SPOCK3: variants seen among roughly 807,000 people sequenced by gnomAD.
The protein encoded by SPOCK3 is testican-3.
In SPOCK3, 30 loss-of-function variants were observed where a neutral mutation model predicts 56.6. That is an observed-to-expected ratio of 0.53 (90% CI 0.40 to 0.72). The LOEUF (loss-of-function observed/expected upper bound fraction) is 0.72. Among genes scored for constraint, SPOCK3 ranks in the 30% least tolerant of loss-of-function variants. SPOCK3 has a pLI of 0.00. For synonymous variants in SPOCK3, 196 were observed against 183.3 expected, an observed-to-expected ratio of 1.07 and a Z score of -0.56; for missense variants, 527 against 530.0, an observed-to-expected ratio of 0.99 and a Z score of 0.06.
chr4:167,004,429 G>A (rs903048784), intron 3 of SPOCK3, among the ~76,000 whole-genome samples: 9 of 152,158 alleles, frequency 5.9e-5, no homozygotes. Flanking sequence ...TGAGTATCGT[G>A]GAAAACACTG....
In SPOCK3 at chr4:167,058,095, A is replaced by G. The variant is rs1260770589; in HGVS notation, c.235+4397T>C. On this transcript the variant is annotated intron_variant, in intron 3 of 10. Transcript: ENST00000357545. The stretch of plus-strand genomic sequence containing the variant: ...AATTTTAACAAACTGTCTCTCAGAC[A>G]GGGATGCCCTCTCTCACCACTCCTA... 3.9e-5 allele frequency among the ~76,000 whole-genome samples: 6 copies of G among 152,164 alleles called. No homozygotes were observed. The South Asian group carries it at 1.2e-3, about 32-fold the overall frequency.
intron 6 of SPOCK3, among the ~76,000 whole-genome samples, chr4:166,795,441 A>G (rs769076198): frequency 2.7e-4 from 41 of 152,120 alleles, no homozygotes; most frequent in Non-Finnish European, 8.8e-5. Flanking sequence ...TTAGCTTTGG[A>G]GTATTATTAA....
chr4:166,874,186 G>A (rs532398601), intron 6 of SPOCK3, among the ~76,000 whole-genome samples: 1 of 152,060 alleles, frequency 6.6e-6, no homozygotes, highest in African/African-American at 2.4e-5. Context: ...GGTTACCTAA[G>A]CTTGGCGTTC....
intron 3 of SPOCK3, among the ~76,000 whole-genome samples, chr4:167,017,369 C>T (rs188722541): frequency 9.5e-4 from 144 of 152,214 alleles, no homozygotes; most frequent in African/African-American, 3.0e-3. Flanking sequence ...ACTTTTAAGG[C>T]CACCTCAGTT....
intron 2 of SPOCK3, among the ~76,000 whole-genome samples, chr4:167,213,427 T>C (rs540167067): frequency 2.2e-4 from 34 of 152,278 alleles, no homozygotes; most frequent in Admixed American, 8.5e-4. Flanking sequence ...ATTGCATTAA[T>C]GATAACATTA....
At chr4:167,185,869 C>G (rs577187242) in intron 2 of SPOCK3, among the ~76,000 whole-genome samples, 2 of 152,166 alleles carry the variant, frequency 1.3e-5, no homozygotes, top group Non-Finnish European at 2.9e-5. Context: ...TCACCCTTAT[C>G]CCAGATTCTG....
intron 5 of SPOCK3, among the ~76,000 whole-genome samples, chr4:166,893,323 C>A (rs1251728647): frequency 2.0e-5 from 3 of 152,030 alleles, no homozygotes; most frequent in Non-Finnish European, 4.4e-5. Context: ...CTAAAGTAAT[C>A]CATATAAAAT....
chr4:166,970,735 GAA>G (rs11309205), intron 4 of SPOCK3, among the ~76,000 whole-genome samples: 9,086 of 137,500 alleles, frequency 0.066, 309 homozygotes, highest in South Asian at 0.073. Flanking sequence ...AAAAGAAAAA[GAA>G]AAAAAAAAAA....
At chr4:167,234,815 G>A (rs1737558052), upstream of SPOCK3, 1 of 153,072 alleles carries the variant, frequency 6.5e-6, no homozygotes, top group African/African-American at 2.4e-5. Context: ...CCCTCCAGAA[G>A]AGGTTCTCAT....
At chr4:167,109,353 AATATATATTTAT>A (rs1259340045) in intron 2 of SPOCK3, among the ~76,000 whole-genome samples, 7 of 43,698 alleles carry the variant, frequency 1.6e-4, no homozygotes, top group African/African-American at 4.6e-4. Context: ...TAATAAAATA[AATATATATTTAT>A]ATATATATTT....
chr4:166,897,183 C>T (rs1314220921), intron 5 of SPOCK3, among the ~76,000 whole-genome samples: 1 of 152,022 alleles, frequency 6.6e-6, no homozygotes, highest in African/African-American at 2.4e-5. Context: ...TTCTCTCCGC[C>T]ATTTTCTATG....
chr4:167,233,900 A>G (rs1737445206), intron 2 of SPOCK3, 85 bp downstream of exon 2: 1 of 1,211,368 alleles, frequency 8.3e-7, no homozygotes, highest in East Asian at 2.3e-5. Flanking sequence ...AACGGAGCCC[A>G]CTCCCCACCC....
intron 2 of SPOCK3, among the ~76,000 whole-genome samples, chr4:167,072,963 G>C (rs1756823046): frequency 1.3e-5 from 2 of 151,572 alleles, no homozygotes. Flanking sequence ...ATGCTTCTTA[G>C]GTTAGTAAAT....
chr4:167,228,985 G>C (rs1471408741), intron 2 of SPOCK3, among the ~76,000 whole-genome samples: 2 of 152,080 alleles, frequency 1.3e-5, no homozygotes, highest in Admixed American at 1.3e-4. Flanking sequence ...AAAAGAAAGA[G>C]AGAAAAACAC....
At chr4:167,221,180 T>A (rs1735876071) in intron 2 of SPOCK3, among the ~76,000 whole-genome samples, 1 of 150,340 alleles carries the variant, frequency 6.7e-6, no homozygotes. Flanking sequence ...GGCAACAAAG[T>A]GAAACCCCAG....
intron 2 of SPOCK3, among the ~76,000 whole-genome samples, chr4:167,164,530 T>C (rs1051875761): frequency 6.6e-6 from 1 of 152,026 alleles, no homozygotes; most frequent in Non-Finnish European, 1.5e-5. Flanking sequence ...CCTATCAACC[T>C]GTCATCTAGG....
chr4:166,737,528 C>T lies in SPOCK3; in HGVS notation c.1071G>A (p.Trp357Ter), dbSNP rs1342165662. The stretch of plus-strand genomic sequence containing the variant: ...CTTCATTTCCATATCTGTCAACACA[C>T]CAGCACTGTCCAACACTGCCATGAC... ...TQCHGSVGQC[W>*]CVDRYGNEVM... The change falls in exon 10 of 11, where the codon TGG becomes TGA. Residue 357 changes from tryptophan (W) to a stop codon, truncating the protein, a stop_gained. Transcript: ENST00000357545. LOFTEE classifies it high-confidence loss of function. 6.2e-7 allele frequency: 1 copy of T among 1,613,338 alleles called. No homozygotes were observed. The highest frequency in any genetic ancestry group is 1.1e-5 in the South Asian group (1 of 90,944).
chr4:166,958,035 A>G (rs1432173031), intron 4 of SPOCK3, among the ~76,000 whole-genome samples: 1 of 152,080 alleles, frequency 6.6e-6, no homozygotes, highest in African/African-American at 2.4e-5. Context: ...TATAGTTTGG[A>G]TGCATGTCCC....
chr4:166,934,553 C>T (rs956953832), intron 4 of SPOCK3, among the ~76,000 whole-genome samples: 1 of 151,966 alleles, frequency 6.6e-6, no homozygotes, highest in African/African-American at 2.4e-5. Flanking sequence ...CCAAAGATAC[C>T]CCGTGCCAGT....
Sources: gnomAD v4.1 joint callset for allele counts (sites outside exome capture counted in the v4.1 genomes callset) on GRCh38, gnomAD v4.1.1 for gene constraint, MANE v1.5 for transcripts, NCBI Gene and HGNC (gene_info 2026-07-23, HGNC 2026-07-21) for gene names.